Variants in ARID1B observed in about 807,000 individuals in gnomAD.
ARID1B encodes the protein AT-rich interaction domain 1B.
Under a neutral mutation model 212.3 loss-of-function variants are expected in ARID1B, and 30 were observed. The observed-to-expected ratio is 0.14, with a 90% CI of 0.11 to 0.19. ARID1B has a LOEUF of 0.19. Ranked by LOEUF, ARID1B falls within the 10% of genes least tolerant of loss-of-function variation. The pLI, the probability that ARID1B is intolerant of heterozygous loss-of-function variation, is 1.00. For missense variants in ARID1B, 2,891 were observed against 3,204.0 expected, an observed-to-expected ratio of 0.90 and a Z score of 2.36; for synonymous variants, 1,402 against 1,301.7, an observed-to-expected ratio of 1.08 and a Z score of -1.66.
At chr6:157,186,687 T>C (rs1793000078) in intron 13 of ARID1B, 4 of 361,996 alleles carry the variant, frequency 1.1e-5, no homozygotes, top group Admixed American at 3.8e-5. Flanking sequence ...AAATGTATGT[T>C]CTTTGAAGTC....
chr6:156,813,047 T>C (rs1235646130), intron 1 of ARID1B, among the ~76,000 whole-genome samples: 2 of 146,752 alleles, frequency 1.4e-5, no homozygotes, highest in Non-Finnish European at 3.0e-5. Context: ...TATATACACA[T>C]ACGTATGTAT....
chr6:156,879,087 C>G (rs984927432), intron 2 of ARID1B, among the ~76,000 whole-genome samples: 1 of 152,232 alleles, frequency 6.6e-6, no homozygotes, highest in Admixed American at 6.5e-5. Flanking sequence ...CCGCACCAGC[C>G]TATCCCGGCT....
At chr6:156,952,519 C>T (rs758954956) in intron 4 of ARID1B, among the ~76,000 whole-genome samples, 4 of 152,162 alleles carry the variant, frequency 2.6e-5, no homozygotes, top group South Asian at 2.1e-4. Flanking sequence ...CATGGTTGGT[C>T]GTGGGAAGAA....
At chr6:156,930,521 T>C (rs1791610559) in intron 3 of ARID1B, among the ~76,000 whole-genome samples, 1 of 152,234 alleles carries the variant, frequency 6.6e-6, no homozygotes, top group Non-Finnish European at 1.5e-5. Flanking sequence ...AATGGACATA[T>C]ACAACCCTTT....
chr6:157,002,359 G>A (rs1778961092), intron 4 of ARID1B, among the ~76,000 whole-genome samples: 1 of 152,102 alleles, frequency 6.6e-6, no homozygotes. Context: ...GTTTTAGTTT[G>A]GAGGCTTCTC....
intron 4 of ARID1B, among the ~76,000 whole-genome samples, chr6:157,020,011 C>G (rs545693888): frequency 2.0e-5 from 3 of 152,198 alleles, no homozygotes; most frequent in Admixed American, 1.3e-4. Context: ...CTGCCTTTCT[C>G]TTTTAGCAAA....
chr6:157,054,027 C>A (rs1250646185), intron 4 of ARID1B, among the ~76,000 whole-genome samples: 2 of 152,154 alleles, frequency 1.3e-5, no homozygotes, highest in Non-Finnish European at 2.9e-5. Context: ...GAGTTCGAGA[C>A]CAGCCTGACC....
At chr6:156,851,637 G>C (rs773764707) in intron 2 of ARID1B, among the ~76,000 whole-genome samples, 2 of 152,210 alleles carry the variant, frequency 1.3e-5, no homozygotes, top group Non-Finnish European at 2.9e-5. Flanking sequence ...CCTGCCCAAC[G>C]TAACATGGAA....
intron 5 of ARID1B, among the ~76,000 whole-genome samples, chr6:157,085,721 T>C (rs1008415507): frequency 6.6e-6 from 1 of 152,102 alleles, no homozygotes; most frequent in Non-Finnish European, 1.5e-5. Context: ...AAAAAGTGTA[T>C]TGTGGAATGT....
chr6:156,882,127 C>T (rs1449191135), intron 2 of ARID1B, among the ~76,000 whole-genome samples: 2 of 152,158 alleles, frequency 1.3e-5, no homozygotes, highest in Admixed American at 6.5e-5. Context: ...TGCCTTTCTT[C>T]CCCAGCTGGG....
At chr6:157,016,786 A>G (rs1583152133) in intron 4 of ARID1B, among the ~76,000 whole-genome samples, 1 of 152,346 alleles carries the variant, frequency 6.6e-6, no homozygotes, top group East Asian at 1.9e-4. Flanking sequence ...TCTTAAATGT[A>G]TGTATAGCTC....
chr6:156,910,080 A>C (rs1034303188), intron 3 of ARID1B, among the ~76,000 whole-genome samples: 15 of 152,184 alleles, frequency 9.9e-5, no homozygotes, highest in Admixed American at 8.5e-4. Flanking sequence ...CTTGGTCTGG[A>C]TGCTTCATAG....
At chr6:157,166,303 G>C (rs936247979) in intron 8 of ARID1B, 2 of 152,178 alleles carry the variant, frequency 1.3e-5, no homozygotes, top group African/African-American at 4.8e-5. Context: ...CTGACAGGGC[G>C]TAAGACAAAA....
intron 5 of ARID1B, among the ~76,000 whole-genome samples, chr6:157,099,090 A>G (rs1045944921): frequency 2.0e-5 from 3 of 152,086 alleles, no homozygotes; most frequent in Admixed American, 2.0e-4. Context: ...CAGCCTCCCA[A>G]GTAGCAGGGA....
intron 5 of ARID1B, among the ~76,000 whole-genome samples, chr6:157,104,028 G>A (rs1426008804): frequency 6.6e-6 from 1 of 151,682 alleles, no homozygotes; most frequent in Non-Finnish European, 1.5e-5. Flanking sequence ...GTAGAGACAG[G>A]GTTTCACCAT....
intron 5 of ARID1B, among the ~76,000 whole-genome samples, chr6:157,086,257 T>G (rs932657787): frequency 5.3e-5 from 8 of 152,250 alleles, no homozygotes; most frequent in Admixed American, 3.9e-4. Flanking sequence ...TTGATATAGG[T>G]ATACGCTCAG....
At chr6:156,821,322 A>G (rs1460145665) in intron 1 of ARID1B, among the ~76,000 whole-genome samples, 1 of 152,202 alleles carries the variant, frequency 6.6e-6, no homozygotes, top group Admixed American at 6.5e-5. Flanking sequence ...GGTTCTAGAA[A>G]AAGGAAGCAA....
In ARID1B at chr6:157,148,220, A is replaced by G. The variant is rs372737824; in HGVS notation, c.2762-404A>G. ...CTTTCACATGACTGTTGAAGGTAGC[A>G]GTGATCTAGTGGTGTGATCTCAAGA... is the stretch of plus-strand genomic sequence containing the variant. On this transcript the variant is annotated intron_variant, in intron 7 of 19. Transcript: ENST00000636930. The surrounding 1 kb of genome is among the most constrained non-coding windows in gnomAD (Gnocchi z 5.6). Among the ~76,000 whole-genome samples, 6 of 152,264 alleles carry G rather than the reference A, an allele frequency of 3.9e-5. No homozygotes were observed. The South Asian group carries it at 1.2e-3, about 32-fold the overall frequency.
intron 2 of ARID1B, among the ~76,000 whole-genome samples, chr6:156,862,683 G>C (rs1428609835): frequency 6.6e-6 from 1 of 152,170 alleles, no homozygotes; most frequent in African/African-American, 2.4e-5. Flanking sequence ...AGTGAATGAG[G>C]AAAGGAGGAG....
Sources: allele counts gnomAD v4.1 joint callset (sites outside exome capture counted in the v4.1 genomes callset), GRCh38; gene constraint gnomAD v4.1.1; non-coding constraint Gnocchi (gnomAD v3.1); transcripts MANE v1.5; gene names NCBI Gene and HGNC (gene_info 2026-07-23, HGNC 2026-07-21).